Variants in TNFRSF11A observed in about 807,000 individuals in gnomAD.
The protein encoded by TNFRSF11A is tumor necrosis factor receptor superfamily member 11A.
A neutral mutation model predicts 55.7 loss-of-function variants in TNFRSF11A; 32 were observed. The observed-to-expected ratio is 0.57, with a 90% CI of 0.43 to 0.77. The LOEUF (loss-of-function observed/expected upper bound fraction) is 0.77. TNFRSF11A is among the 30% of genes least tolerant of loss of function. TNFRSF11A has a pLI of 0.00. For synonymous variants in TNFRSF11A, 311 were observed against 331.0 expected (o/e 0.94, Z 0.65); for missense variants, 753 against 809.8 (o/e 0.93, Z 0.85).
At chr18:62,377,315 G>A (rs1016479907) in intron 9 of TNFRSF11A, among the ~76,000 whole-genome samples, 1 of 152,222 alleles carries the variant, frequency 6.6e-6, no homozygotes, top group Non-Finnish European at 1.5e-5. Context: ...CTGCTTCCAA[G>A]TTTTGGCAAT....
intron 5 of TNFRSF11A, 43 bp downstream of exon 5, chr18:62,358,384 A>T: frequency 6.4e-7 from 1 of 1,564,646 alleles, no homozygotes; most frequent in Non-Finnish European, 8.8e-7. Context: ...TTGGTTTTTA[A>T]ACAACTCAAC....
chr18:62,325,313 G>C lies in TNFRSF11A; in HGVS notation c.-40G>C. The stretch of plus-strand genomic sequence containing the variant: ...GCAGCCGCGCCCGCTGGGCCACAGA[G>C]GCCGCTGAGGCCGCGGCGCCCGCCA... On this transcript the variant is annotated 5_prime_UTR_variant, in exon 1 of 10. Transcript: ENST00000586569. This position sits in a 1 kb window ranked among gnomAD's most constrained non-coding sequence, Gnocchi z 4.7. 1 of 965,998 alleles carries C rather than the reference G, an allele frequency of 1.0e-6. No individual in the cohort carries two copies. The highest frequency in any genetic ancestry group is 1.8e-5 in the African/African-American group (1 of 56,262). The allele number at this position is 965,998 out of a possible 1,614,324, so 59.8% of individuals were successfully genotyped here.
intron 7 of TNFRSF11A, 83 bp downstream of exon 7, chr18:62,361,876 C>T (rs1909716120): frequency 1.7e-6 from 2 of 1,210,372 alleles, no homozygotes; most frequent in Admixed American, 1.7e-5. Context: ...AGTAGATTGT[C>T]TACTTGCTGC....
chr18:62,379,736 G>A (rs1380826310), intron 9 of TNFRSF11A, among the ~76,000 whole-genome samples: 6 of 152,142 alleles, frequency 3.9e-5, no homozygotes, highest in Non-Finnish European at 5.9e-5. Context: ...AGACCCATTC[G>A]CAAAGGACAG....
At chr18:62,366,872 G>T in intron 8 of TNFRSF11A, 112 bp downstream of exon 8, 1 of 1,122,018 alleles carries the variant, frequency 8.9e-7, no homozygotes, top group East Asian at 2.4e-5. Context: ...TTTTTGAGAC[G>T]GAGTCTCGCT....
chr18:62,327,488 T>G (rs1200950475), intron 1 of TNFRSF11A, among the ~76,000 whole-genome samples: 2 of 152,218 alleles, frequency 1.3e-5, no homozygotes, highest in Non-Finnish European at 2.9e-5. Flanking sequence ...CTCTCAAAGG[T>G]GAGACTAGAT....
intron 1 of TNFRSF11A, chr18:62,336,677 GGTGCATC>G (rs2046238458): frequency 6.6e-6 from 1 of 152,236 alleles, no homozygotes; most frequent in South Asian, 2.1e-4. Context: ...TGGAAATAGG[GGTGCATC>G]GTAACATAAG....
chr18:62,338,298 G>T (rs2046263238), intron 1 of TNFRSF11A, among the ~76,000 whole-genome samples: 1 of 152,200 alleles, frequency 6.6e-6, no homozygotes, highest in Non-Finnish European at 1.5e-5. Flanking sequence ...GCTAAACATA[G>T]AATTAACTTA....
At chr18:62,363,322 C>T (rs1011698283) in intron 7 of TNFRSF11A, among the ~76,000 whole-genome samples, 3 of 149,960 alleles carry the variant, frequency 2.0e-5, no homozygotes, top group African/African-American at 4.9e-5. Flanking sequence ...ATGGGGATTG[C>T]AGATGCCAGT....
intron 1 of TNFRSF11A, among the ~76,000 whole-genome samples, chr18:62,327,326 A>G (rs1040995753): frequency 6.6e-6 from 1 of 152,182 alleles, no homozygotes; most frequent in Non-Finnish European, 1.5e-5. Context: ...GCCCGTGGCC[A>G]CTACCACCTG....
rs1208618055 is a variant in TNFRSF11A, at chr18:62,385,579, C to T, written c.*545C>T. ...GCAGCCTCTAACTCCTGGGCTCAAG[C>T]AATCCAAGTGATCCTCCCACCTCAA... On this transcript the variant is annotated 3_prime_UTR_variant, in exon 10 of 10. Transcript: ENST00000586569. The T allele has an allele frequency of 6.6e-6, 1 of 151,986 alleles. No homozygotes were observed. The highest frequency in any genetic ancestry group is 1.5e-5 in the Non-Finnish European group (1 of 68,052). The allele number at this position is 151,986 out of a possible 1,614,324, so 9.4% of individuals were successfully genotyped here. A position where few individuals can be genotyped will look rare whatever the true frequency, so the allele number is the denominator to read the frequency against.
intron 3 of TNFRSF11A, among the ~76,000 whole-genome samples, chr18:62,351,071 C>A (rs998885776): frequency 6.9e-6 from 1 of 145,718 alleles, no homozygotes; most frequent in Non-Finnish European, 1.5e-5. Flanking sequence ...GGCACAATCT[C>A]AGCTCACTGC....
chr18:62,353,397 T>C lies in TNFRSF11A; in HGVS notation c.284-994T>C, dbSNP rs138314695. Among the ~76,000 whole-genome samples, 258 of 152,316 alleles carry C rather than the reference T, an allele frequency of 1.7e-3. 2 individuals carry two copies. In the East Asian group the frequency reaches 0.023, roughly 13 times the overall value. On this transcript the variant is annotated intron_variant, in intron 3 of 9. Transcript: ENST00000586569. ...TTGCACTTAGAACGCTAGACAGCTCTTCAGCACGACAGTTGGGGGCTGTTG... is the reference window on the plus strand; with the variant it reads ...TTGCACTTAGAACGCTAGACAGCTCCTCAGCACGACAGTTGGGGGCTGTTG...
rs1405850813 is a variant in TNFRSF11A, at chr18:62,354,535, G to A, written c.427+1G>A. On this transcript the variant is annotated splice_donor_variant, in intron 4 of 9. Coordinates refer to ENST00000586569, the MANE Select transcript of TNFRSF11A (RefSeq NM_003839.4). LOFTEE classifies it high-confidence loss of function. ...CCGGGCCTGGGCGCCCAGCACCCGT[G>A]TACGGGTTGGATGTGTGCGTCTGTC... The A allele has an allele frequency of 1.9e-6, 3 of 1,602,588 alleles. No homozygotes were observed. Among genetic ancestry groups the A allele is most frequent in the Non-Finnish European group, 2.5e-6 (3 of 1,179,486 alleles).
chr18:62,388,178 C>T lies in TNFRSF11A; in HGVS notation c.*3144C>T, dbSNP rs1911856590. On this transcript the variant is annotated 3_prime_UTR_variant, in exon 10 of 10. Coordinates refer to ENST00000586569, the MANE Select transcript of TNFRSF11A (RefSeq NM_003839.4). The stretch of plus-strand genomic sequence containing the variant: ...GGTGGTTCTTCAGGCCTGGTCCCTC[C>T]TGGCCTGGTTTGCTTACCCATTTAC... The T allele has an allele frequency of 6.6e-6, 1 of 152,246 alleles. No individual in the cohort carries two copies. Among genetic ancestry groups the T allele is most frequent in the African/African-American group, 2.4e-5 (1 of 41,462 alleles). 9.4% of individuals were successfully genotyped at this position (152,246 alleles called of 1,614,324 possible). A position where few individuals can be genotyped will look rare whatever the true frequency, so the allele number is the denominator to read the frequency against.
At chr18:62,337,392 A>G (rs1440252835) in intron 1 of TNFRSF11A, among the ~76,000 whole-genome samples, 1 of 152,228 alleles carries the variant, frequency 6.6e-6, no homozygotes, top group Non-Finnish European at 1.5e-5. Flanking sequence ...AATGTCCAAT[A>G]TGATCAATAC....
intron 9 of TNFRSF11A, among the ~76,000 whole-genome samples, chr18:62,376,400 C>T (rs1277416689): frequency 6.6e-6 from 1 of 150,838 alleles, no homozygotes; most frequent in Non-Finnish European, 1.5e-5. Flanking sequence ...GGGACAAGGC[C>T]TGGTTTGGCT....
chr18:62,366,615 G>A (rs779952840), intron 7 of TNFRSF11A, 93 bp from the exon 8 acceptor site: 2 of 1,331,328 alleles, frequency 1.5e-6, no homozygotes, highest in Admixed American at 1.7e-5. Flanking sequence ...ATAACATGTT[G>A]TATACCTTAA....
At chr18:62,354,252 C>A in intron 3 of TNFRSF11A, 139 bp from the exon 4 acceptor site, 2 of 1,073,224 alleles carry the variant, frequency 1.9e-6, no homozygotes, top group Non-Finnish European at 2.5e-6. Flanking sequence ...ACTTCTCGAG[C>A]AGTGTCCTGG....
Sources: gnomAD v4.1 joint callset for allele counts (sites outside exome capture counted in the v4.1 genomes callset) on GRCh38, gnomAD v4.1.1 for gene constraint, Gnocchi (gnomAD v3.1) non-coding constraint, MANE v1.5 for transcripts, NCBI Gene and HGNC (gene_info 2026-07-23, HGNC 2026-07-21) for gene names.